The following NFIC variants were observed in gnomAD, a reference collection of about 807,000 sequenced individuals.
NFIC encodes the protein nuclear factor I C, also known as nuclear factor 1 C-type.
NFIC carries 12 observed loss-of-function variants against 54.4 expected under a neutral mutation model. That is an observed-to-expected ratio of 0.22 (90% CI 0.14 to 0.36). NFIC has a LOEUF of 0.36. Ranked by LOEUF, NFIC falls within the 10% of genes least tolerant of loss-of-function variation. NFIC has a pLI of 1.00. For missense variants in NFIC, 575 were observed against 718.2 expected, an observed-to-expected ratio of 0.80 and a Z score of 2.28; for synonymous variants, 322 against 319.2, an observed-to-expected ratio of 1.01 and a Z score of -0.09.
chr19:3,372,867 C>G (rs981763644), intron 1 of NFIC, among the ~76,000 whole-genome samples: 1 of 149,704 alleles, frequency 6.7e-6, no homozygotes, highest in African/African-American at 2.5e-5. Flanking sequence ...TTTTTTGAAA[C>G]AGAGTCTCGC....
At chr19:3,386,027 T>G (rs2081290769) in intron 2 of NFIC, among the ~76,000 whole-genome samples, 2 of 151,826 alleles carry the variant, frequency 1.3e-5, no homozygotes. Flanking sequence ...ATTCTGATTA[T>G]AATCTCCCAC....
At chr19:3,409,009 G>T (rs1373997842) in intron 2 of NFIC, among the ~76,000 whole-genome samples, 4 of 152,122 alleles carry the variant, frequency 2.6e-5, no homozygotes, top group Non-Finnish European at 5.9e-5. Context: ...TGGAATTACA[G>T]GTGTGAGCCA....
At chr19:3,455,079 C>A (rs151204292) in intron 9 of NFIC, among the ~76,000 whole-genome samples, 1 of 152,316 alleles carries the variant, frequency 6.6e-6, no homozygotes, top group African/African-American at 2.4e-5. Context: ...GGGGACAAGC[C>A]GGTGACATGG....
intron 2 of NFIC, among the ~76,000 whole-genome samples, chr19:3,420,626 G>A (rs774642565): frequency 6.6e-6 from 1 of 151,550 alleles, no homozygotes; most frequent in Non-Finnish European, 1.5e-5. Flanking sequence ...TACCAATAGC[G>A]ATATTAATCA....
chr19:3,377,040 T>A (rs35219955), intron 1 of NFIC, among the ~76,000 whole-genome samples: 19,321 of 145,902 alleles, frequency 0.13, 1,290 homozygotes, highest in East Asian at 0.2. Flanking sequence ...GAGACCCCCA[T>A]CTCTTAAAAA....
intron 1 of NFIC, among the ~76,000 whole-genome samples, chr19:3,371,998 C>CCTCTCTCT (rs56852086): frequency 0.024 from 845 of 35,390 alleles, 151 homozygotes; most frequent in Non-Finnish European, 0.028. Flanking sequence ...CCTCTCTCTC[C>CCTCTCTCT]CTCTCTCTCT....
chr19:3,409,819 A>G (rs2145564806), intron 2 of NFIC, among the ~76,000 whole-genome samples: 1 of 152,342 alleles, frequency 6.6e-6, no homozygotes, highest in East Asian at 1.9e-4. Flanking sequence ...AGCAAAGGCT[A>G]CAGGGTCCAG....
chr19:3,446,198 T>G (rs558980980), intron 6 of NFIC, among the ~76,000 whole-genome samples: 1 of 152,318 alleles, frequency 6.6e-6, no homozygotes, highest in African/African-American at 2.4e-5. Context: ...ATTCACCTCC[T>G]CTCTCCCTCC....
chr19:3,360,176 G>T (rs2080791955), intron 1 of NFIC, among the ~76,000 whole-genome samples: 1 of 145,802 alleles, frequency 6.9e-6, no homozygotes. Flanking sequence ...AGCGCGGCGC[G>T]CCAGCTAGCG....
upstream of NFIC, among the ~76,000 whole-genome samples, chr19:3,365,148 G>T (rs905671594): frequency 1.3e-5 from 2 of 152,150 alleles, no homozygotes; most frequent in African/African-American, 4.8e-5. Flanking sequence ...CCGTTCTCTG[G>T]GCCTCAGTTT....
chr19:3,413,545 A>AATCAC (rs1414797221), intron 2 of NFIC, among the ~76,000 whole-genome samples: 1 of 152,070 alleles, frequency 6.6e-6, no homozygotes, highest in African/African-American at 2.4e-5. Context: ...TGGGGACGGT[A>AATCAC]ATCACGTGTC....
chr19:3,452,637 T>C lies in NFIC; in HGVS notation c.1240T>C (p.Cys414Arg). 1 of 1,611,366 alleles carries C rather than the reference T, an allele frequency of 6.2e-7. No individual in the cohort carries two copies. Among genetic ancestry groups the C allele is most frequent in the Non-Finnish European group, 8.5e-7 (1 of 1,178,900 alleles). Reference sequence around the variant, plus strand: ...GCTCAAAGATCTTGTCTCGCTGGCCTGCGACCCAGCCAGCCAGCAACCTGG... The same window carrying C: ...GCTCAAAGATCTTGTCTCGCTGGCCCGCGACCCAGCCAGCCAGCAACCTGG... ...DPLKDLVSLA[C>R]DPASQQPGPL... Residue 414 changes from cysteine (C) to arginine (R), a missense_variant, in exon 8 of 11, where the codon TGC becomes CGC. Physicochemically the swap from Cys to Arg is radical, Grantham distance 180 (BLOSUM62 -3). Around this residue, in one of 3 missense-constraint regions of NFIC, gnomAD observed 447 missense variants for 526.9 expected, o/e 0.85. Coordinates refer to ENST00000443272, the MANE Select transcript of NFIC (RefSeq NM_001245002.2). The surrounding 1 kb of genome is among the most constrained non-coding windows in gnomAD (Gnocchi z 5.3).
At chr19:3,396,662 G>A (rs2081469517) in intron 2 of NFIC, among the ~76,000 whole-genome samples, 1 of 151,410 alleles carries the variant, frequency 6.6e-6, no homozygotes, top group South Asian at 2.1e-4. Flanking sequence ...TTGTTCAAAG[G>A]CAATGGCCCA....
chr19:3,360,057 CCCGAGCGCGCAGT>C (rs1210048109), intron 1 of NFIC, among the ~76,000 whole-genome samples: 1 of 148,212 alleles, frequency 6.7e-6, no homozygotes, highest in African/African-American at 2.4e-5. Flanking sequence ...GCGCACGACC[CCCGAGCGCGCAGT>C]CCGTGGGGGA....
At chr19:3,441,460 C>G (rs1006109754) in intron 6 of NFIC, among the ~76,000 whole-genome samples, 2 of 152,404 alleles carry the variant, frequency 1.3e-5, no homozygotes. Flanking sequence ...AAAGAAGGGG[C>G]AGAGCCCCGA....
At chr19:3,398,717 T>C (rs1374357729) in intron 2 of NFIC, among the ~76,000 whole-genome samples, 3 of 152,106 alleles carry the variant, frequency 2.0e-5, no homozygotes, top group Non-Finnish European at 4.4e-5. Flanking sequence ...CCGGGACAGG[T>C]TGCTGCCGGA....
intron 1 of NFIC, among the ~76,000 whole-genome samples, chr19:3,360,658 G>A (rs888244365): frequency 6.6e-6 from 1 of 152,224 alleles, no homozygotes; most frequent in Non-Finnish European, 1.5e-5. Context: ...ACGTGCTGGC[G>A]CGTGTTGTGT....
chr19:3,384,128 C>T (rs1190317576), intron 2 of NFIC, among the ~76,000 whole-genome samples: 1 of 150,948 alleles, frequency 6.6e-6, no homozygotes, highest in African/African-American at 2.4e-5. Context: ...AATCTCGGCT[C>T]ACTGTAGCCT....
Position 3,369,121 on chromosome 19 carries a change from C to T in NFIC, c.30+2455C>T, listed in dbSNP as rs568325181. Among the ~76,000 whole-genome samples the T allele has an allele frequency of 6.6e-6, 1 of 151,876 alleles. No homozygotes were observed. The highest frequency in any genetic ancestry group is 1.5e-5 in the Non-Finnish European group (1 of 67,982). On this transcript the variant is annotated intron_variant, in intron 1 of 10. Coordinates refer to ENST00000443272, the MANE Select transcript of NFIC (RefSeq NM_001245002.2). This position sits in a 1 kb window ranked among gnomAD's most constrained non-coding sequence, Gnocchi z 4.3. ...CACCATCCCTTTCTCCTCTTTGTCT[C>T]TGCATGTCTCTTTGATGTGTCTCTG...
Sources: allele counts gnomAD v4.1 joint callset (sites outside exome capture counted in the v4.1 genomes callset), GRCh38; gene constraint gnomAD v4.1.1; regional missense constraint gnomAD v4.1.1; non-coding constraint Gnocchi (gnomAD v3.1); transcripts MANE v1.5; gene names NCBI Gene and HGNC (gene_info 2026-07-23, HGNC 2026-07-21).